Variants in PSTPIP2 observed in about 807,000 individuals in gnomAD.
PSTPIP2 encodes the protein proline-serine-threonine phosphatase interacting protein 2, also known as proline-serine-threonine phosphatase-interacting protein 2.
In PSTPIP2, 33 loss-of-function variants were observed where a neutral mutation model predicts 63.3. That is an observed-to-expected ratio of 0.52 (90% CI 0.40 to 0.70). The LOEUF (loss-of-function observed/expected upper bound fraction) is 0.70, where lower values mean the gene tolerates loss of function less well. Among genes scored for constraint, PSTPIP2 ranks in the 30% least tolerant of loss-of-function variants. PSTPIP2 has a pLI of 0.00. For missense variants in PSTPIP2, 312 were observed against 400.7 expected, an observed-to-expected ratio of 0.78 and a Z score of 1.89; for synonymous variants, 125 against 132.7, an observed-to-expected ratio of 0.94 and a Z score of 0.40.
chr18:46,008,020 G>A (rs1292535364), intron 5 of PSTPIP2, among the ~76,000 whole-genome samples: 3 of 152,194 alleles, frequency 2.0e-5, no homozygotes, highest in African/African-American at 7.2e-5. Context: ...GACATTTGTG[G>A]TGACCCCAGT....
chr18:46,065,016 T>C (rs1354641178), intron 1 of PSTPIP2, among the ~76,000 whole-genome samples: 1 of 151,424 alleles, frequency 6.6e-6, no homozygotes, highest in Non-Finnish European at 1.5e-5. Context: ...TGGTGGTGCA[T>C]GCCTGTAATT....
chr18:46,065,144 C>CAAAAAAAA (rs35144990), intron 1 of PSTPIP2, among the ~76,000 whole-genome samples: 5 of 80,792 alleles, frequency 6.2e-5, no homozygotes, highest in Admixed American at 1.4e-4. Context: ...AACTCTGTCT[C>CAAAAAAAA]AAAAAAAAAA....
intron 1 of PSTPIP2, among the ~76,000 whole-genome samples, chr18:46,065,297 T>A (rs943947987): frequency 2.7e-5 from 4 of 147,932 alleles, no homozygotes; most frequent in African/African-American, 7.5e-5. Context: ...AAGTTATAAT[T>A]TTTTTTTTTT....
intron 2 of PSTPIP2, among the ~76,000 whole-genome samples, chr18:46,025,683 T>TA (rs35851535): frequency 0.013 from 1,462 of 114,706 alleles, 15 homozygotes; most frequent in Admixed American, 0.039. Context: ...TCACTACCAC[T>TA]AAAAAAAAAA....
chr18:46,024,516 A>T, intron 3 of PSTPIP2, 93 bp downstream of exon 3: 2 of 1,123,756 alleles, frequency 1.8e-6, no homozygotes, highest in Non-Finnish European at 2.7e-6. Flanking sequence ...CAGCCAGCAT[A>T]CTTCAACCTC....
At chr18:46,019,997 A>C (rs1204006939) in intron 3 of PSTPIP2, among the ~76,000 whole-genome samples, 2 of 152,200 alleles carry the variant, frequency 1.3e-5, no homozygotes, top group African/African-American at 2.4e-5. Flanking sequence ...TTACAGCTAA[A>C]TTGTCTGTCC....
Position 46,048,429 on chromosome 18 carries a change from C to T in PSTPIP2, c.34-8382G>A, listed in dbSNP as rs554484103. ...AAATCATCTTGTTTTAAGCATAAGT[C>T]GGTGGTAATTTGTTACAGCAGCAAC... On this transcript the variant is annotated intron_variant, in intron 1 of 14. Transcript: ENST00000409746. Among the ~76,000 whole-genome samples the T allele has an allele frequency of 2.0e-5, 3 of 152,174 alleles. No individual in the cohort carries two copies. In the South Asian group the frequency reaches 6.2e-4, roughly 32 times the overall value.
At chr18:46,020,251 A>G (rs748542212) in intron 3 of PSTPIP2, among the ~76,000 whole-genome samples, 6 of 152,178 alleles carry the variant, frequency 3.9e-5, no homozygotes, top group Non-Finnish European at 5.9e-5. Flanking sequence ...AAACTATTCT[A>G]CAACTCTTTT....
intron 4 of PSTPIP2, 100 bp downstream of exon 4, chr18:46,015,803 C>T: frequency 1.5e-6 from 2 of 1,331,164 alleles, no homozygotes; most frequent in Non-Finnish European, 2.1e-6. Flanking sequence ...TTTTTTTCAC[C>T]CACTATGAAA....
At chr18:46,030,370 A>C (rs1907748550) in intron 2 of PSTPIP2, among the ~76,000 whole-genome samples, 1 of 152,190 alleles carries the variant, frequency 6.6e-6, no homozygotes, top group Admixed American at 6.5e-5. Context: ...TGAAAAAAAA[A>C]AGTAAGAGGA....
intron 6 of PSTPIP2, 93 bp from the exon 7 acceptor site, chr18:45,999,627 G>A: frequency 7.8e-7 from 1 of 1,277,144 alleles, no homozygotes; most frequent in African/African-American, 1.5e-5. Flanking sequence ...AGCATGGACA[G>A]GGCCGTCTGA....
At position 46,058,832 on chromosome 18, in the gene PSTPIP2, G is replaced by A. The variant is rs1338369911; in HGVS notation, c.33+13324C>T. Among the ~76,000 whole-genome samples the A allele has an allele frequency of 2.0e-5, 3 of 152,278 alleles. No homozygotes were observed. In the East Asian group the frequency reaches 5.8e-4, roughly 29 times the overall value. On this transcript the variant is annotated intron_variant, in intron 1 of 14. Coordinates refer to ENST00000409746, the MANE Select transcript of PSTPIP2 (RefSeq NM_024430.4). Reference sequence around the variant, plus strand: ...GGGGTGGGACCCTCTGTGTCCTCAAGGGAATGGTTGTGGCCTTGCCACAGG... The same window carrying A: ...GGGGTGGGACCCTCTGTGTCCTCAAAGGAATGGTTGTGGCCTTGCCACAGG...
Position 46,014,159 on chromosome 18 carries a change from A to T in PSTPIP2, c.247+1744T>A, listed in dbSNP as rs544028848. Reference sequence around the variant, plus strand: ...TGCCTCAGCCTCTGGAGTAGCTGGGACTACAGGCACATGCCAACATGCCTG... The same window carrying T: ...TGCCTCAGCCTCTGGAGTAGCTGGGTCTACAGGCACATGCCAACATGCCTG... On this transcript the variant is annotated intron_variant, in intron 4 of 14. Transcript: ENST00000409746. 3.9e-3 allele frequency among the ~76,000 whole-genome samples: 594 copies of T among 152,096 alleles called. 4 individuals carry two copies. Among genetic ancestry groups the T allele is most frequent in the Non-Finnish European group, 5.8e-3 (395 of 67,998 alleles).
intron 1 of PSTPIP2, among the ~76,000 whole-genome samples, chr18:46,040,496 TC>T (rs1261875563): frequency 6.6e-6 from 1 of 152,192 alleles, no homozygotes; most frequent in Non-Finnish European, 1.5e-5. Flanking sequence ...ATAAGGAAGT[TC>T]CACAAATTCC....
At chr18:46,061,117 A>G (rs1908976614) in intron 1 of PSTPIP2, among the ~76,000 whole-genome samples, 1 of 152,156 alleles carries the variant, frequency 6.6e-6, no homozygotes, top group Non-Finnish European at 1.5e-5. Context: ...CAACCTGGCC[A>G]ACATGGTGAA....
chr18:46,039,022 G>C (rs950389238), intron 2 of PSTPIP2, among the ~76,000 whole-genome samples: 1 of 152,138 alleles, frequency 6.6e-6, no homozygotes, highest in Non-Finnish European at 1.5e-5. Context: ...ATTTTCTCTT[G>C]AGTAGAAAGT....
At chr18:46,028,418 G>C (rs941228477) in intron 2 of PSTPIP2, 11 of 538,780 alleles carry the variant, frequency 2.0e-5, no homozygotes, top group Middle Eastern at 4.6e-4. Flanking sequence ...GAGGAGAGAC[G>C]GCTCCGGCAG....
At chr18:45,993,808 C>T in intron 9 of PSTPIP2, 105 bp from the exon 10 acceptor site, 1 of 946,514 alleles carries the variant, frequency 1.1e-6, no homozygotes, top group Non-Finnish European at 1.7e-6. Flanking sequence ...TATCTGTAAA[C>T]TTATTGTCCA....
At chr18:46,020,264 A>G (rs1233894232) in intron 3 of PSTPIP2, among the ~76,000 whole-genome samples, 2 of 152,324 alleles carry the variant, frequency 1.3e-5, no homozygotes, top group African/African-American at 4.8e-5. Flanking sequence ...ACTCTTTTAA[A>G]AAGCACGTTG....
Sources: gnomAD v4.1 joint callset for allele counts (sites outside exome capture counted in the v4.1 genomes callset) on GRCh38, gnomAD v4.1.1 for gene constraint, MANE v1.5 for transcripts, NCBI Gene and HGNC (gene_info 2026-07-23, HGNC 2026-07-21) for gene names.